The following ATXN1 variants were observed in gnomAD, a reference collection of about 807,000 sequenced individuals.
ATXN1 encodes ataxin-1.
In ATXN1, 8 loss-of-function variants were observed where a neutral mutation model predicts 56.4. The observed-to-expected ratio is 0.14, with a 90% CI of 0.08 to 0.26. The LOEUF (loss-of-function observed/expected upper bound fraction) is 0.26. Among genes scored for constraint, ATXN1 ranks in the 10% least tolerant of loss-of-function variants. ATXN1 has a pLI of 1.00. For missense variants in ATXN1, 987 were observed against 1,106.5 expected (o/e 0.89, Z 1.53); for synonymous variants, 514 against 494.6 (o/e 1.04, Z -0.52).
chr6:16,448,122 C>A (rs774868930), intron 6 of ATXN1, among the ~76,000 whole-genome samples: 1 of 152,200 alleles, frequency 6.6e-6, no homozygotes, highest in East Asian at 1.9e-4. Flanking sequence ...GAAGGCCCTA[C>A]ATGATCTGAC....
chr6:16,636,583 G>C (rs1020380536), intron 3 of ATXN1, among the ~76,000 whole-genome samples: 5 of 152,222 alleles, frequency 3.3e-5, no homozygotes, highest in African/African-American at 1.2e-4. Flanking sequence ...GCCCTGAATA[G>C]TCTATGCCAT....
chr6:16,568,336 T>C (rs1762266996), intron 4 of ATXN1, among the ~76,000 whole-genome samples: 2 of 152,160 alleles, frequency 1.3e-5, no homozygotes, highest in African/African-American at 4.8e-5. Context: ...GAAGTACACA[T>C]AAGTCAACCT....
intron 6 of ATXN1, among the ~76,000 whole-genome samples, chr6:16,356,336 T>C (rs1761687899): frequency 6.6e-6 from 1 of 152,180 alleles, no homozygotes; most frequent in Non-Finnish European, 1.5e-5. Flanking sequence ...TGGCCTTAAG[T>C]CAGAAAAGGT....
At chr6:16,597,214 T>A (rs977455711) in intron 3 of ATXN1, among the ~76,000 whole-genome samples, 1 of 152,214 alleles carries the variant, frequency 6.6e-6, no homozygotes, top group Non-Finnish European at 1.5e-5. Flanking sequence ...GAGAATTCCT[T>A]TGGGCTTTGT....
chr6:16,753,219 C>T lies in ATXN1; in HGVS notation c.-615+14G>A, dbSNP rs760260414. 6.4e-5 allele frequency: 29 copies of T among 456,340 alleles called. No homozygotes were observed. The highest frequency in any genetic ancestry group is 1.8e-4 in the African/African-American group (9 of 50,040). 28.3% of individuals were successfully genotyped at this position (456,340 alleles called of 1,614,324 possible). ...TCCTCAGATGGAAAACAGAGAGCATCGCAAAACTCTCACCTGACATGTGAT... is the reference window on the plus strand; with the variant it reads ...TCCTCAGATGGAAAACAGAGAGCATTGCAAAACTCTCACCTGACATGTGAT... On this transcript the variant is annotated intron_variant, in intron 2 of 7. Transcript: ENST00000436367.
intron 5 of ATXN1, among the ~76,000 whole-genome samples, chr6:16,488,390 T>C (rs1188084605): frequency 6.6e-6 from 1 of 152,216 alleles, no homozygotes; most frequent in Non-Finnish European, 1.5e-5. Flanking sequence ...ACGGTATTTT[T>C]ACTATTTCTC....
rs937463586 is a variant in ATXN1, at chr6:16,636,460, G to A, written c.-489+21316C>T. On this transcript the variant is annotated intron_variant, in intron 3 of 7. Transcript: ENST00000436367. The stretch of plus-strand genomic sequence containing the variant: ...AGCTTTGTTCTCAAGCAAGCCACTG[G>A]GACAGGCCCTCATGTCTTGAGTAGG... 1.4e-4 allele frequency among the ~76,000 whole-genome samples: 22 copies of A among 152,278 alleles called. 1 individual carries two copies. Among genetic ancestry groups the A allele is most frequent in the African/African-American group, 5.3e-4 (22 of 41,554 alleles).
intron 3 of ATXN1, among the ~76,000 whole-genome samples, chr6:16,614,028 C>T (rs553942807): frequency 1.3e-5 from 2 of 151,368 alleles, no homozygotes; most frequent in East Asian, 3.9e-4. Flanking sequence ...TCAAAGCTTC[C>T]AGGATGCTAC....
intron 3 of ATXN1, among the ~76,000 whole-genome samples, chr6:16,648,134 G>A (rs1420147836): frequency 1.3e-5 from 2 of 152,158 alleles, no homozygotes; most frequent in Admixed American, 6.5e-5. Flanking sequence ...TGGTCTGTAT[G>A]TAGATCCTTA....
At chr6:16,503,893 A>C (rs1760930781) in intron 5 of ATXN1, among the ~76,000 whole-genome samples, 1 of 152,186 alleles carries the variant, frequency 6.6e-6, no homozygotes, top group African/African-American at 2.4e-5. Context: ...AGTGGCATTA[A>C]GTACGTTCAC....
At chr6:16,316,911 T>A (rs1760526316) in intron 7 of ATXN1, among the ~76,000 whole-genome samples, 1 of 124,768 alleles carries the variant, frequency 8.0e-6, no homozygotes, top group Non-Finnish European at 1.6e-5. Flanking sequence ...AGAACTAAAG[T>A]GGGCTGTGAC....
chr6:16,429,772 T>C, intron 6 of ATXN1, among the ~76,000 whole-genome samples: 1 of 152,094 alleles, frequency 6.6e-6, no homozygotes, highest in East Asian at 1.9e-4. Context: ...TTAGGCCCAT[T>C]CGATCCACAT....
chr6:16,596,262 G>T (rs1322378469), intron 3 of ATXN1, among the ~76,000 whole-genome samples: 1 of 152,128 alleles, frequency 6.6e-6, no homozygotes, highest in African/African-American at 2.4e-5. Context: ...CTCCCAAAGT[G>T]CTGGATAACA....
intron 3 of ATXN1, among the ~76,000 whole-genome samples, chr6:16,600,122 T>C (rs1416158562): frequency 6.6e-6 from 1 of 152,232 alleles, no homozygotes; most frequent in African/African-American, 2.4e-5. Context: ...CCATTGTATA[T>C]GTATCTGTGG....
intron 7 of ATXN1, among the ~76,000 whole-genome samples, chr6:16,310,902 CTT>C (rs1270044186): frequency 2.6e-5 from 4 of 152,198 alleles, no homozygotes; most frequent in Non-Finnish European, 5.9e-5. Context: ...ACTTCATCTT[CTT>C]TGTTTCCTTT....
At chr6:16,606,490 T>C (rs2113785743) in intron 3 of ATXN1, among the ~76,000 whole-genome samples, 1 of 151,000 alleles carries the variant, frequency 6.6e-6, no homozygotes, top group African/African-American at 2.4e-5. Flanking sequence ...TTTGTTTGTT[T>C]GTTCGTTTGT....
At chr6:16,474,604 C>T (rs1306264875) in intron 6 of ATXN1, among the ~76,000 whole-genome samples, 2 of 152,178 alleles carry the variant, frequency 1.3e-5, no homozygotes, top group Non-Finnish European at 2.9e-5. Context: ...CTAACTGATA[C>T]ATCCACTTTG....
intron 2 of ATXN1, among the ~76,000 whole-genome samples, chr6:16,700,132 A>G (rs1158945893): frequency 6.6e-6 from 1 of 152,192 alleles, no homozygotes; most frequent in Non-Finnish European, 1.5e-5. Context: ...TTTGCAGCAG[A>G]GAAAACTCAA....
intron 6 of ATXN1, among the ~76,000 whole-genome samples, chr6:16,389,766 T>C (rs1399548718): frequency 6.6e-6 from 1 of 152,204 alleles, no homozygotes; most frequent in Non-Finnish European, 1.5e-5. Flanking sequence ...GGCACTGCAA[T>C]CGTTCTATTT....
Sources: gnomAD v4.1 joint callset for allele counts (sites outside exome capture counted in the v4.1 genomes callset) on GRCh38, gnomAD v4.1.1 for gene constraint, MANE v1.5 for transcripts, NCBI Gene and HGNC (gene_info 2026-07-23, HGNC 2026-07-21) for gene names.